Variants in DOCK2 observed in about 807,000 individuals in gnomAD.
DOCK2 encodes dedicator of cytokinesis 2, also known as dedicator of cytokinesis protein 2.
A neutral mutation model predicts 248.9 loss-of-function variants in DOCK2; 87 were observed. That is an observed-to-expected ratio of 0.35 (90% confidence interval 0.29 to 0.42). The LOEUF (loss-of-function observed/expected upper bound fraction) is 0.42, where lower values mean the gene tolerates loss of function less well. Ranked by LOEUF, DOCK2 falls within the 10% of genes least tolerant of loss-of-function variation. The probability of loss-of-function intolerance (pLI) is 1.00; values close to 1 mark genes in which losing one functional copy is unlikely to be tolerated. For synonymous variants in DOCK2, 805 were observed against 821.6 expected (o/e 0.98, Z 0.35); for missense variants, 1,747 against 2,300.2 (o/e 0.76, Z 4.92).
At chr5:169,886,935 A>G (rs942838499) in intron 27 of DOCK2, among the ~76,000 whole-genome samples, 2 of 152,042 alleles carry the variant, frequency 1.3e-5, no homozygotes, top group African/African-American at 4.8e-5. Context: ...TGTTTCATTT[A>G]CTCTCTTCCT....
chr5:169,836,420 T>A (rs1769587015), intron 26 of DOCK2, among the ~76,000 whole-genome samples: 1 of 146,292 alleles, frequency 6.8e-6, no homozygotes, highest in Admixed American at 7.0e-5. Flanking sequence ...TTTTATCATT[T>A]TTCTGCAAGT....
At position 170,066,023 on chromosome 5, in the gene DOCK2, C is replaced by T. The variant is rs552223308; in HGVS notation, c.4468-1487C>T. Among the ~76,000 whole-genome samples the T allele has an allele frequency of 9.2e-4, 137 of 148,816 alleles. 4 individuals carry two copies. The South Asian group carries it at 9.8e-3, about 11-fold the overall frequency. On this transcript the variant is annotated intron_variant, in intron 44 of 51. Transcript: ENST00000520908. ...CTGGAGTGTAGTGGCGCGAACTCAG[C>T]TCACTGCAAGCTCCGCCTCCTGGGC... is the stretch of plus-strand genomic sequence containing the variant.
chr5:169,985,712 T>C, intron 28 of DOCK2, 116 bp from the exon 29 acceptor site: 1 of 647,944 alleles, frequency 1.5e-6, no homozygotes, highest in South Asian at 4.2e-5. Context: ...AATGAAAGGC[T>C]GTGTCCCTTC....
intron 9 of DOCK2, among the ~76,000 whole-genome samples, 194 bp downstream of exon 9, chr5:169,689,527 C>T (rs1393448236): frequency 2.0e-5 from 3 of 152,132 alleles, no homozygotes; most frequent in Non-Finnish European, 2.9e-5. Context: ...GGATGTTCAC[C>T]TCTGTTTTTC....
chr5:169,661,522 A>G (rs1423558242), intron 2 of DOCK2, among the ~76,000 whole-genome samples: 1 of 152,168 alleles, frequency 6.6e-6, no homozygotes, highest in Non-Finnish European at 1.5e-5. Context: ...AATTTTATTG[A>G]CTATAGATCC....
At chr5:169,724,360 A>C (rs771235435) in intron 22 of DOCK2, among the ~76,000 whole-genome samples, 1 of 152,194 alleles carries the variant, frequency 6.6e-6, no homozygotes, top group Non-Finnish European at 1.5e-5. Context: ...TATTCAGGCA[A>C]ATGTGACTTT....
At chr5:169,858,050 T>C (rs1770991071) in intron 27 of DOCK2, among the ~76,000 whole-genome samples, 1 of 152,208 alleles carries the variant, frequency 6.6e-6, no homozygotes, top group Non-Finnish European at 1.5e-5. Context: ...CATCCTAATA[T>C]GAGGACTGAA....
intron 28 of DOCK2, 42 bp from the exon 29 acceptor site, chr5:169,985,786 T>G (rs368382488): frequency 6.5e-5 from 100 of 1,543,786 alleles, no homozygotes; most frequent in Non-Finnish European, 8.6e-5. Context: ...TCTGAGTTCC[T>G]GTAAAACAGG....
intron 27 of DOCK2, among the ~76,000 whole-genome samples, chr5:169,972,285 C>A (rs1777531868): frequency 6.6e-6 from 1 of 152,100 alleles, no homozygotes; most frequent in South Asian, 2.1e-4. Flanking sequence ...ATGCATTTTG[C>A]ACTTATCATT....
chr5:169,809,566 C>T (rs576616075), intron 26 of DOCK2, among the ~76,000 whole-genome samples: 83 of 152,280 alleles, frequency 5.5e-4, no homozygotes, highest in African/African-American at 1.8e-3. Context: ...GATATCCCAG[C>T]GCCAGTCATT....
At chr5:170,019,424 CT>C (rs962137771) in intron 33 of DOCK2, among the ~76,000 whole-genome samples, 64 of 152,326 alleles carry the variant, frequency 4.2e-4, no homozygotes, top group Admixed American at 6.5e-4. Flanking sequence ...CCCGTCCCAC[CT>C]GTCCCACTCT....
At chr5:169,758,823 T>C (rs1343907042) in intron 23 of DOCK2, among the ~76,000 whole-genome samples, 1 of 152,272 alleles carries the variant, frequency 6.6e-6, no homozygotes, top group East Asian at 1.9e-4. Context: ...CAGTTGTATA[T>C]GGCTAGGAGG....
intron 44 of DOCK2, among the ~76,000 whole-genome samples, chr5:170,059,604 A>G (rs1027529626): frequency 2.6e-5 from 4 of 152,238 alleles, no homozygotes; most frequent in African/African-American, 9.6e-5. Context: ...ATTAAATATA[A>G]CAGTAGACCA....
intron 27 of DOCK2, among the ~76,000 whole-genome samples, chr5:169,929,266 A>G (rs1165518817): frequency 1.3e-5 from 2 of 152,258 alleles, no homozygotes; most frequent in East Asian, 3.8e-4. Context: ...ATCCTTGGCC[A>G]TATGGTAAAC....
chr5:169,971,250 C>G (rs1777496618), intron 27 of DOCK2, among the ~76,000 whole-genome samples: 1 of 151,486 alleles, frequency 6.6e-6, no homozygotes, highest in African/African-American at 2.4e-5. Context: ...AATGAAGTAT[C>G]ATTCCCAGAG....
intron 25 of DOCK2, among the ~76,000 whole-genome samples, chr5:169,780,836 G>A (rs369914227): frequency 3.9e-5 from 6 of 152,140 alleles, no homozygotes; most frequent in East Asian, 3.8e-4. Context: ...TTTGCCATAG[G>A]CTAATTGATA....
At chr5:169,705,886 T>C (rs1415297590) in intron 14 of DOCK2, among the ~76,000 whole-genome samples, 2 of 152,252 alleles carry the variant, frequency 1.3e-5, no homozygotes, top group Non-Finnish European at 2.9e-5. Flanking sequence ...TCCTGATCCA[T>C]ACTCAGATTT....
Position 169,834,644 on chromosome 5 carries a change from G to A in DOCK2, c.2704-6113G>A, listed in dbSNP as rs534829872. Among the ~76,000 whole-genome samples, 5 of 145,878 alleles carry A rather than the reference G, an allele frequency of 3.4e-5. No homozygotes were observed. In the South Asian group the frequency reaches 1.1e-3, roughly 33 times the overall value. The stretch of plus-strand genomic sequence containing the variant: ...TCCCAACCAGATCACCCTGTAGTAA[G>A]CTCACAGACCACAAGTCCTACTCAC... On this transcript the variant is annotated intron_variant, in intron 26 of 51. Transcript: ENST00000520908.
intron 27 of DOCK2, among the ~76,000 whole-genome samples, chr5:169,906,219 C>T (rs534585675): frequency 2.0e-4 from 31 of 152,260 alleles, no homozygotes; most frequent in African/African-American, 5.8e-4. Flanking sequence ...TTCTTTCTGA[C>T]GTCAAACGCA....
Sources: allele counts gnomAD v4.1 joint callset (sites outside exome capture counted in the v4.1 genomes callset), GRCh38; gene constraint gnomAD v4.1.1; transcripts MANE v1.5; gene names NCBI Gene and HGNC (gene_info 2026-07-23, HGNC 2026-07-21).